DKC1: variants seen among roughly 807,000 people sequenced by gnomAD.
The protein encoded by DKC1 is dyskerin pseudouridine synthase 1, also known as H/ACA ribonucleoprotein complex subunit DKC1.
In DKC1, 4 loss-of-function variants were observed where a neutral mutation model predicts 46.7. That is an observed-to-expected ratio of 0.09 (90% confidence interval 0.04 to 0.20). The LOEUF is 0.20. Ranked by LOEUF, DKC1 falls within the 10% of genes least tolerant of loss-of-function variation. The pLI is 1.00. For synonymous variants in DKC1, 141 were observed against 142.4 expected, an observed-to-expected ratio of 0.99 and a Z score of 0.07; for missense variants, 171 against 404.2, an observed-to-expected ratio of 0.42 and a Z score of 4.95.
chrX:154,763,119 C>G (rs2071701670), intron 1 of DKC1, 138 bp downstream of exon 1: 2 of 785,105 alleles, frequency 2.5e-6, no homozygotes, highest in South Asian at 4.5e-5. Context: ...CGGCCTTAAG[C>G]CGGCCTTGTC....
Position 154,765,972 on chromosome X carries a change from G to A in DKC1, c.237G>A (p.Leu79=), listed in dbSNP as rs782599928. ...YTPLACGSNP[L]KREIGDYIRT... Reference sequence around the variant, plus strand: ...CTCTTGCATGTGGTTCAAATCCTCTGAAGAGAGAGATTGGGGACTATATCA... The same window carrying A: ...CTCTTGCATGTGGTTCAAATCCTCTAAAGAGAGAGATTGGGGACTATATCA... Residue 79 remains leucine (L), a synonymous_variant, in exon 4 of 15, where the codon CTG becomes CTA. Transcript: ENST00000369550. 1.7e-6 allele frequency: 2 copies of A among 1,205,292 alleles called. No homozygotes were observed. Among genetic ancestry groups the A allele is most frequent in the Non-Finnish European group, 2.2e-6 (2 of 889,470 alleles).
chrX:154,768,236 T>G (rs782073609), intron 7 of DKC1, 66 bp from the exon 8 acceptor site: 1 of 1,175,030 alleles, frequency 8.5e-7, no homozygotes, highest in East Asian at 3.0e-5. Context: ...GAAGGATAAC[T>G]GCATTTCTCA....
intron 11 of DKC1, among the ~76,000 whole-genome samples, chrX:154,773,768 C>G (rs1293778181): frequency 1.3e-4 from 15 of 112,718 alleles, no homozygotes; most frequent in African/African-American, 4.5e-4. Context: ...CCTTTCTATT[C>G]CACAAAACCG....
rs187313948 is a variant in DKC1, at chrX:154,766,441, G to A, written c.448+41G>A. The A allele has an allele frequency of 3.4e-4, 383 of 1,111,935 alleles. No homozygotes were observed. The African/African-American group carries it at 6.2e-3, about 18-fold the overall frequency. The allele number at this position is 1,111,935 out of a possible 1,213,427, so 91.6% of individuals were successfully genotyped here. Reference sequence around the variant, plus strand: ...AGGGAAGGACTGGCTAGAGTGAAAAGCTTTCTGTATTTCCCTTCTATGTTT... The same window carrying A: ...AGGGAAGGACTGGCTAGAGTGAAAAACTTTCTGTATTTCCCTTCTATGTTT... On this transcript the variant is annotated intron_variant, in intron 5 of 14. Coordinates refer to ENST00000369550, the MANE Select transcript of DKC1 (RefSeq NM_001363.5).
At chrX:154,774,528 C>T (rs1180907770) in intron 11 of DKC1, 74 bp from the exon 12 acceptor site, 3 of 924,099 alleles carry the variant, frequency 3.2e-6, no homozygotes, top group African/African-American at 1.9e-5. Context: ...GAACCTTGTT[C>T]TATTCTTTGT....
chrX:154,774,732 G>A, intron 12 of DKC1, 27 bp downstream of exon 12: 1 of 1,149,427 alleles, frequency 8.7e-7, no homozygotes. Flanking sequence ...TCAGAGCCGG[G>A]GTGGGTAGAG....
At chrX:154,776,757 T>C (rs2071903372) in intron 14 of DKC1, 42 bp from the exon 15 acceptor site, 1 of 1,142,795 alleles carries the variant, frequency 8.8e-7, no homozygotes, top group Admixed American at 2.2e-5. Flanking sequence ...ATAGCTTTGT[T>C]AGTGGATGGT....
rs782708552 is a variant in DKC1 at position 154,775,583 on chromosome X, A to T, written c.1338+310A>T. 3.6e-5 allele frequency among the ~76,000 whole-genome samples: 4 copies of T among 112,266 alleles called. No homozygotes were observed. In the South Asian group the frequency reaches 1.5e-3, roughly 41 times the overall value. On this transcript the variant is annotated intron_variant, in intron 13 of 14. Transcript: ENST00000369550. ...TGGAATGGGTGGTGGTGTGTGTGTC[A>T]ATTCTGGCCCCCGCCCTGGGTCAAA... is the stretch of plus-strand genomic sequence containing the variant.
chrX:154,762,919 G>A lies in DKC1; in HGVS notation c.-47G>A, dbSNP rs2071698064. 1 of 1,170,593 alleles carries A rather than the reference G, an allele frequency of 8.5e-7. No individual in the cohort carries two copies. Among genetic ancestry groups the A allele is most frequent in the African/African-American group, 1.8e-5 (1 of 56,802 alleles). On this transcript the variant is annotated 5_prime_UTR_variant, in exon 1 of 15. Transcript: ENST00000369550. Reference sequence around the variant, plus strand: ...ACCAAGGCGGCGGGAGTCTGCGGTCGTTCCCTCGGCTGTGGACCGGGCGGC... The same window carrying A: ...ACCAAGGCGGCGGGAGTCTGCGGTCATTCCCTCGGCTGTGGACCGGGCGGC...
At chrX:154,773,284 CTTTTTTTTTT>C (rs782491644) in intron 11 of DKC1, 35 bp downstream of exon 11, 4 of 350,614 alleles carry the variant, frequency 1.1e-5, no homozygotes, top group South Asian at 5.4e-5. Flanking sequence ...CTGCCAGGTT[CTTTTTTTTTT>C]TTTTTTTTTT....
chrX:154,766,506 ATCCT>A, intron 5 of DKC1, 106 bp downstream of exon 5: 1 of 797,039 alleles, frequency 1.3e-6, no homozygotes, highest in Non-Finnish European at 1.8e-6. Flanking sequence ...AAAAAAAAAA[ATCCT>A]AAAGCAAGGA....
chrX:154,773,284 C>CTTTTTTTTTTTTTTTTTTTTTTATTT, intron 11 of DKC1, 35 bp downstream of exon 11: 2 of 350,614 alleles, frequency 5.7e-6, no homozygotes, highest in Non-Finnish European at 4.5e-6. Context: ...CTGCCAGGTT[C>CTTTTTTTTTTTTTTTTTTTTTTATTT]TTTTTTTTTT....
At chrX:154,776,394 G>T (rs2071896654) in intron 14 of DKC1, 70 bp downstream of exon 14, 1 of 1,144,204 alleles carries the variant, frequency 8.7e-7, no homozygotes, top group East Asian at 3.3e-5. Context: ...TACCCAGGTG[G>T]TACCAGCTTT....
At chrX:154,767,409 A>G (rs1014916944) in intron 7 of DKC1, 27 bp downstream of exon 7, 1 of 1,208,617 alleles carries the variant, frequency 8.3e-7, no homozygotes, top group Non-Finnish European at 1.1e-6. Context: ...GTGAGTGGGT[A>G]TGAACACATT....
intron 1 of DKC1, among the ~76,000 whole-genome samples, chrX:154,763,966 C>A (rs1318813859): frequency 9.0e-6 from 1 of 110,827 alleles, no homozygotes; most frequent in Non-Finnish European, 1.9e-5. Context: ...CAAGACCAGC[C>A]TGGCCAACAT....
chrX:154,776,233 C>T lies in DKC1; in HGVS notation c.1385C>T (p.Ala462Val), dbSNP rs2071893855. The change falls in exon 14 of 15, where the codon GCT (alanine) becomes GTT (valine). Residue 462 changes from alanine to valine, a missense_variant. Ala to Val is a moderately conservative substitution (Grantham distance 64). This residue lies in a region of DKC1 where 54 missense variants were observed against 64.4 expected (regional missense o/e 0.84). Transcript: ENST00000369550. ...ESESDETPPA[A>V]PQLIKKEKKK... is the part of the protein sequence containing the mutation. ...GAAAGTGACGAGACTCCTCCAGCAG[C>T]TCCTCAGTTGATCAAGAAGGAAAAG... 2 of 1,211,734 alleles carry T rather than the reference C, an allele frequency of 1.7e-6. No individual in the cohort carries two copies. The highest frequency in any genetic ancestry group is 2.2e-6 in the Non-Finnish European group (2 of 895,266).
chrX:154,771,532 C>CCCCCCACTACCCTCCCAGT (rs2071826647), intron 10 of DKC1, among the ~76,000 whole-genome samples: 1 of 106,995 alleles, frequency 9.3e-6, no homozygotes, highest in African/African-American at 3.4e-5. Context: ...TCCCTGCCAG[C>CCCCCCACTACCCTCCCAGT]CCCCCACTAC....
Position 154,762,907 on chromosome X carries a change from G to A in DKC1, c.-59G>A. On this transcript the variant is annotated 5_prime_UTR_variant, in exon 1 of 15. Coordinates refer to ENST00000369550, the MANE Select transcript of DKC1 (RefSeq NM_001363.5). ...CGGCCTGACGGGACCAAGGCGGCGG[G>A]AGTCTGCGGTCGTTCCCTCGGCTGT... 8.6e-7 allele frequency: 1 copy of A among 1,162,937 alleles called. No homozygotes were observed. Among genetic ancestry groups the A allele is most frequent in the South Asian group, 1.9e-5 (1 of 52,724 alleles).
chrX:154,763,183 C>T lies in DKC1; in HGVS notation c.16+202C>T, dbSNP rs2728530. 0.44 allele frequency among the ~76,000 whole-genome samples: 48,995 copies of T among 110,652 alleles called. 9,987 individuals are homozygous for T. Among genetic ancestry groups the T allele is most frequent in the East Asian group, 0.76 (2,620 of 3,434 alleles). ...CGAGAGTGGGAGCCCCTCGCGGTGA[C>T]TTGGCATGATGGGGCTCGGCCCTCT... On this transcript the variant is annotated intron_variant, in intron 1 of 14. Coordinates refer to ENST00000369550, the MANE Select transcript of DKC1 (RefSeq NM_001363.5).
Sources: allele counts gnomAD v4.1 joint callset (sites outside exome capture counted in the v4.1 genomes callset), GRCh38; gene constraint gnomAD v4.1.1; regional missense constraint gnomAD v4.1.1; transcripts MANE v1.5; gene names NCBI Gene and HGNC (gene_info 2026-07-23, HGNC 2026-07-21).